The following TANC2 variants were observed in gnomAD, a reference collection of about 807,000 sequenced individuals.
TANC2 encodes tetratricopeptide repeat, ankyrin repeat and coiled-coil containing 2.
In TANC2, 26 loss-of-function variants were observed where a neutral mutation model predicts 210.5. That is an observed-to-expected ratio of 0.12 (90% confidence interval 0.09 to 0.17). The LOEUF is 0.17. TANC2 is among the 10% of genes least tolerant of loss of function. The pLI is 1.00. For synonymous variants in TANC2, 931 were observed against 967.1 expected (o/e 0.96, Z 0.69); for missense variants, 2,129 against 2,608.9 (o/e 0.82, Z 4.01).
chr17:63,215,628 A>C (rs1352062691), intron 7 of TANC2, among the ~76,000 whole-genome samples: 1 of 152,224 alleles, frequency 6.6e-6, no homozygotes, highest in Non-Finnish European at 1.5e-5. Context: ...GGGTACAGAG[A>C]GCCTCTGGAT....
chr17:63,112,302 C>T (rs2038080705), intron 4 of TANC2, among the ~76,000 whole-genome samples: 1 of 152,094 alleles, frequency 6.6e-6, no homozygotes, highest in Non-Finnish European at 1.5e-5. Flanking sequence ...TAGGGTGGAT[C>T]AGCAGTAGGG....
intron 2 of TANC2, among the ~76,000 whole-genome samples, chr17:63,029,832 G>A (rs557126955): frequency 1.3e-5 from 2 of 152,246 alleles, no homozygotes; most frequent in South Asian, 4.1e-4. Flanking sequence ...GAATTGTGAA[G>A]GACAAGTTAA....
At chr17:63,100,035 C>A (rs1196376505) in intron 4 of TANC2, among the ~76,000 whole-genome samples, 1 of 151,944 alleles carries the variant, frequency 6.6e-6, no homozygotes, top group African/African-American at 2.4e-5. Context: ...AATATGTAAT[C>A]CTGGGTCACT....
intron 2 of TANC2, among the ~76,000 whole-genome samples, chr17:63,067,263 A>G (rs2036235280): frequency 6.6e-6 from 1 of 152,192 alleles, no homozygotes; most frequent in Admixed American, 6.5e-5. Context: ...AAAAGACAAC[A>G]GATACCAACT....
At chr17:63,314,876 A>G (rs1315100328) in intron 10 of TANC2, among the ~76,000 whole-genome samples, 2 of 152,192 alleles carry the variant, frequency 1.3e-5, no homozygotes, top group East Asian at 3.8e-4. Context: ...GTGACTGAAG[A>G]AAAACCTTTC....
At chr17:63,398,897 G>A (rs776968832) in exon 19 of TANC2, 2 of 1,594,734 alleles carry the variant, frequency 1.3e-6, no homozygotes, top group Non-Finnish European at 1.7e-6. Flanking sequence ...AGCTTTGACA[G>A]TCTCTGGGGA....
chr17:63,335,944 A>C (rs1217786249), intron 11 of TANC2, among the ~76,000 whole-genome samples: 1 of 152,128 alleles, frequency 6.6e-6, no homozygotes, highest in Non-Finnish European at 1.5e-5. Flanking sequence ...AAAAATTAAA[A>C]AATAAATAAA....
intron 15 of TANC2, among the ~76,000 whole-genome samples, chr17:63,382,135 C>T (rs569061408): frequency 1.3e-5 from 2 of 152,314 alleles, no homozygotes; most frequent in African/African-American, 2.4e-5. Context: ...ATCAAAAGTC[C>T]ATAGTACAAG....
At chr17:63,012,653 G>T (rs2033923207) in intron 2 of TANC2, among the ~76,000 whole-genome samples, 1 of 151,866 alleles carries the variant, frequency 6.6e-6, no homozygotes, top group African/African-American at 2.4e-5. Context: ...CCTTTGTTTT[G>T]TTTTATTTTA....
chr17:63,051,908 T>A (rs2035595695), intron 2 of TANC2, among the ~76,000 whole-genome samples: 1 of 152,222 alleles, frequency 6.6e-6, no homozygotes, highest in Non-Finnish European at 1.5e-5. Context: ...TTGTATTATA[T>A]GTATTTTCAG....
intron 3 of TANC2, among the ~76,000 whole-genome samples, chr17:63,095,322 C>T (rs1009787134): frequency 2.6e-5 from 4 of 152,166 alleles, no homozygotes; most frequent in Non-Finnish European, 1.5e-5. Context: ...ACGACAGGTA[C>T]GCCACGCCCA....
intron 8 of TANC2, among the ~76,000 whole-genome samples, chr17:63,242,092 T>A (rs2042789599): frequency 6.6e-6 from 1 of 152,194 alleles, no homozygotes; most frequent in Admixed American, 6.5e-5. Context: ...ATATTCGTTC[T>A]CATTTTCTCT....
At chr17:63,210,202 A>G (rs2041842403) in intron 7 of TANC2, among the ~76,000 whole-genome samples, 1 of 152,038 alleles carries the variant, frequency 6.6e-6, no homozygotes, top group African/African-American at 2.4e-5. Flanking sequence ...CAGCCTTTCT[A>G]TTGTCATCTT....
chr17:63,375,373 A>G (rs1290359163), intron 14 of TANC2, among the ~76,000 whole-genome samples: 1 of 152,244 alleles, frequency 6.6e-6, no homozygotes, highest in Non-Finnish European at 1.5e-5. Context: ...GCTGAAATGA[A>G]GACTAGAGAA....
intron 4 of TANC2, among the ~76,000 whole-genome samples, chr17:63,115,347 T>C (rs1203248599): frequency 3.9e-5 from 6 of 152,174 alleles, no homozygotes; most frequent in Non-Finnish European, 8.8e-5. Context: ...TTTAAACAAC[T>C]CAATCACTTT....
chr17:63,123,076 G>T (rs953925069), intron 4 of TANC2, among the ~76,000 whole-genome samples: 1 of 152,176 alleles, frequency 6.6e-6, no homozygotes, highest in Admixed American at 6.5e-5. Context: ...AAGAGAAAAA[G>T]ATTTTGGAGG....
intron 2 of TANC2, among the ~76,000 whole-genome samples, chr17:63,015,946 A>G (rs2034089255): frequency 6.8e-6 from 1 of 147,866 alleles, no homozygotes; most frequent in African/African-American, 2.5e-5. Context: ...TCATTGTGTC[A>G]TTGTTTTGGT....
At chr17:63,333,261 C>T (rs1055666014) in intron 11 of TANC2, among the ~76,000 whole-genome samples, 4 of 152,050 alleles carry the variant, frequency 2.6e-5, no homozygotes, top group Non-Finnish European at 5.9e-5. Flanking sequence ...ATTCTAGATG[C>T]CATTAAGAAC....
chr17:63,134,000 A>G (rs2039006360), intron 4 of TANC2, among the ~76,000 whole-genome samples: 1 of 151,874 alleles, frequency 6.6e-6, no homozygotes, highest in African/African-American at 2.4e-5. Flanking sequence ...CATTCATACA[A>G]ACACCTCTTA....
Sources: gnomAD v4.1 joint callset for allele counts (sites outside exome capture counted in the v4.1 genomes callset) on GRCh38, gnomAD v4.1.1 for gene constraint, MANE v1.5 for transcripts, NCBI Gene and HGNC (gene_info 2026-07-23, HGNC 2026-07-21) for gene names.